Variants in ARHGAP31 observed in about 807,000 individuals in gnomAD.
The protein encoded by ARHGAP31 is rho GTPase-activating protein 31.
In ARHGAP31, 34 loss-of-function variants were observed where a neutral mutation model predicts 113.9. The observed-to-expected ratio is 0.30, with a 90% CI of 0.23 to 0.40. ARHGAP31 has a LOEUF of 0.40. ARHGAP31 is among the 10% of genes least tolerant of loss of function. The pLI, the probability that ARHGAP31 is intolerant of heterozygous loss-of-function variation, is 1.00. For missense variants in ARHGAP31, 1,548 were observed against 1,767.1 expected, an observed-to-expected ratio of 0.88 and a Z score of 2.22; for synonymous variants, 650 against 684.8, an observed-to-expected ratio of 0.95 and a Z score of 0.79.
chr3:119,391,026 G>GAAGAGGA, intron 7 of ARHGAP31, 43 bp downstream of exon 7: 1 of 1,597,968 alleles, frequency 6.3e-7, no homozygotes, highest in Middle Eastern at 1.8e-4. Context: ...ATGTGTGGTT[G>GAAGAGGA]AAGAGGAAAG....
chr3:119,384,395 CCTGT>C (rs1311554971), intron 6 of ARHGAP31, among the ~76,000 whole-genome samples: 1 of 152,170 alleles, frequency 6.6e-6, no homozygotes, highest in Non-Finnish European at 1.5e-5. Flanking sequence ...CAAAAAGAAA[CCTGT>C]CTTAGTCCGT....
intron 5 of ARHGAP31, among the ~76,000 whole-genome samples, chr3:119,382,732 C>T (rs2080412770): frequency 6.6e-6 from 1 of 152,074 alleles, no homozygotes; most frequent in Non-Finnish European, 1.5e-5. Flanking sequence ...CTGGCTACAA[C>T]CAGAATCAGC....
In ARHGAP31 at chr3:119,416,469, T is replaced by G; in HGVS notation, c.*205T>G. 1.4e-6 allele frequency: 1 copy of G among 709,532 alleles called. No individual in the cohort carries two copies. Among genetic ancestry groups the G allele is most frequent in the Non-Finnish European group, 2.3e-6 (1 of 429,868 alleles). 44.0% of individuals were successfully genotyped at this position (709,532 alleles called of 1,614,324 possible). On this transcript the variant is annotated 3_prime_UTR_variant, in exon 12 of 12. Coordinates refer to ENST00000264245, the MANE Select transcript of ARHGAP31 (RefSeq NM_020754.4). ...GGGAAAAACGAGAGATGAAATTTAG[T>G]TAAGTCTATGTGAGCAAGTGAGAGA...
chr3:119,383,793 T>C (rs2080424351), intron 6 of ARHGAP31, among the ~76,000 whole-genome samples: 1 of 152,210 alleles, frequency 6.6e-6, no homozygotes, highest in Non-Finnish European at 1.5e-5. Flanking sequence ...GGGCATCTTG[T>C]AATGAATATA....
At chr3:119,303,296 A>C (rs2079601285) in intron 1 of ARHGAP31, among the ~76,000 whole-genome samples, 1 of 152,200 alleles carries the variant, frequency 6.6e-6, no homozygotes, top group African/African-American at 2.4e-5. Flanking sequence ...ATTATCAGGA[A>C]TCCAATTGCT....
At chr3:119,381,972 CG>C in intron 4 of ARHGAP31, among the ~76,000 whole-genome samples, 1 of 129,772 alleles carries the variant, frequency 7.7e-6, no homozygotes, top group South Asian at 2.4e-4. Context: ...GGCGACAGAG[CG>C]AGACTCCGTC....
intron 1 of ARHGAP31, among the ~76,000 whole-genome samples, chr3:119,347,846 A>G (rs989887367): frequency 1.5e-4 from 23 of 152,370 alleles, no homozygotes; most frequent in African/African-American, 5.5e-4. Flanking sequence ...TGAAGCTCTT[A>G]AAGGGTGAGG....
chr3:119,313,296 A>G (rs2079698727), intron 1 of ARHGAP31, among the ~76,000 whole-genome samples: 2 of 152,236 alleles, frequency 1.3e-5, no homozygotes, highest in Admixed American at 1.3e-4. Context: ...GTGTATATAC[A>G]AGCAAATATA....
intron 1 of ARHGAP31, among the ~76,000 whole-genome samples, chr3:119,328,142 G>A (rs2079861659): frequency 6.6e-6 from 1 of 152,152 alleles, no homozygotes; most frequent in African/African-American, 2.4e-5. Context: ...AGCTACCAAT[G>A]ATTAGCTTGA....
At chr3:119,363,392 C>G (rs1455994474) in intron 1 of ARHGAP31, among the ~76,000 whole-genome samples, 1 of 152,110 alleles carries the variant, frequency 6.6e-6, no homozygotes, top group Admixed American at 6.5e-5. Context: ...ACCCACAGCA[C>G]CCCCCATCAC....
intron 3 of ARHGAP31, among the ~76,000 whole-genome samples, chr3:119,369,883 T>C (rs2107625055): frequency 6.6e-6 from 1 of 151,976 alleles, no homozygotes. Flanking sequence ...AACCATCTTC[T>C]GGTTATATAT....
chr3:119,393,302 T>C (rs972501528), intron 7 of ARHGAP31, among the ~76,000 whole-genome samples, 165 bp from the exon 8 acceptor site: 2 of 152,152 alleles, frequency 1.3e-5, no homozygotes, highest in African/African-American at 4.8e-5. Flanking sequence ...GGGGCATCTC[T>C]AGACAAGGTG....
intron 1 of ARHGAP31, among the ~76,000 whole-genome samples, chr3:119,301,417 A>T (rs1430925213): frequency 6.6e-6 from 1 of 152,042 alleles, no homozygotes; most frequent in Non-Finnish European, 1.5e-5. Flanking sequence ...CTAGGAACAC[A>T]TTTTCCCATA....
At chr3:119,305,143 G>T (rs947953050) in intron 1 of ARHGAP31, among the ~76,000 whole-genome samples, 2 of 152,144 alleles carry the variant, frequency 1.3e-5, no homozygotes, top group Non-Finnish European at 2.9e-5. Flanking sequence ...GACTCCAGCT[G>T]TGTCTGTGCA....
At chr3:119,335,079 T>TG (rs540041474) in intron 1 of ARHGAP31, among the ~76,000 whole-genome samples, 9,631 of 146,284 alleles carry the variant, frequency 0.066, 454 homozygotes, top group Admixed American at 0.16. Context: ...CATTTTCCCA[T>TG]GGGAAAAAAA....
chr3:119,346,985 G>A (rs1411651072), intron 1 of ARHGAP31, among the ~76,000 whole-genome samples: 2 of 152,326 alleles, frequency 1.3e-5, no homozygotes, highest in African/African-American at 4.8e-5. Flanking sequence ...TGGAGAGCAG[G>A]GATAGAGTAT....
intron 1 of ARHGAP31, among the ~76,000 whole-genome samples, chr3:119,351,416 T>G (rs34770810): frequency 0.014 from 2,082 of 152,280 alleles, 23 homozygotes; most frequent in Non-Finnish European, 0.025. Flanking sequence ...AGTGCATGAA[T>G]TTTGGATTCA....
chr3:119,363,570 T>C (rs2080228402), intron 1 of ARHGAP31, among the ~76,000 whole-genome samples: 1 of 152,172 alleles, frequency 6.6e-6, no homozygotes, highest in African/African-American at 2.4e-5. Context: ...AGAATAAGTA[T>C]GGTGAACTTT....
chr3:119,382,358 C>T lies in ARHGAP31; in HGVS notation c.498C>T (p.His166=), dbSNP rs1393006281. The T allele has an allele frequency of 7.4e-6, 12 of 1,614,066 alleles. No individual in the cohort carries two copies. Among genetic ancestry groups the T allele is most frequent in the Admixed American group, 6.7e-5 (4 of 59,996 alleles). ...IASFSSKTNM[H]ARNLALVWAP... ...CCTTCAGCAGCAAGACCAACATGCACGCCCGGAACCTGGCCCTGGTGTGGG... is the reference window on the plus strand; with the variant it reads ...CCTTCAGCAGCAAGACCAACATGCATGCCCGGAACCTGGCCCTGGTGTGGG... The change falls in exon 5 of 12, where the codon CAC becomes CAT. Residue 166 remains histidine (H), a synonymous_variant. Transcript: ENST00000264245.
Sources: gnomAD v4.1 joint callset for allele counts (sites outside exome capture counted in the v4.1 genomes callset) on GRCh38, gnomAD v4.1.1 for gene constraint, MANE v1.5 for transcripts, NCBI Gene and HGNC (gene_info 2026-07-23, HGNC 2026-07-21) for gene names.